The following TCAIM variants were observed in gnomAD, a reference collection of about 807,000 sequenced individuals.
TCAIM encodes the protein T cell activation inhibitor, mitochondrial, also known as T-cell activation inhibitor, mitochondrial.
A neutral mutation model predicts 58.6 loss-of-function variants in TCAIM; 36 were observed. The observed-to-expected ratio is 0.61, with a 90% confidence interval of 0.47 to 0.81. The LOEUF (loss-of-function observed/expected upper bound fraction) is 0.81, where lower values mean the gene tolerates loss of function less well. Ranked by LOEUF, TCAIM falls within the 30% of genes least tolerant of loss-of-function variation. TCAIM has a pLI of 0.00. For missense variants in TCAIM, 466 were observed against 579.6 expected, an observed-to-expected ratio of 0.80 and a Z score of 2.01; for synonymous variants, 172 against 193.6, an observed-to-expected ratio of 0.89 and a Z score of 0.93.
In TCAIM at chr3:44,368,655, C is replaced by T. The variant is rs1701418159; in HGVS notation, c.572+947C>T. Among the ~76,000 whole-genome samples the T allele has an allele frequency of 2.6e-5, 4 of 152,190 alleles. No homozygotes were observed. The South Asian group carries it at 8.3e-4, about 31-fold the overall frequency. On this transcript the variant is annotated intron_variant, in intron 5 of 10. Coordinates refer to ENST00000342649, the MANE Select transcript of TCAIM (RefSeq NM_173826.4). ...TGACTTTAATTGTTCAGATTCTCCT[C>T]TGAGATGGAAATGTGGGTTTGGGAA...
At position 44,388,965 on chromosome 3, in the gene TCAIM, T is replaced by C. The variant is rs535601384; in HGVS notation, c.573-3890T>C. On this transcript the variant is annotated intron_variant, in intron 5 of 10. Coordinates refer to ENST00000342649, the MANE Select transcript of TCAIM (RefSeq NM_173826.4). ...GCTCAGTTACTACTAATCCTCTCAG[T>C]GGCCAGAGCCAGGAAACATGTATCT... Among the ~76,000 whole-genome samples the C allele has an allele frequency of 1.1e-4, 17 of 152,342 alleles. 1 individual carries two copies. In the South Asian group the frequency reaches 2.7e-3, roughly 24 times the overall value.
chr3:44,379,361 A>T (rs1408941191), intron 5 of TCAIM, among the ~76,000 whole-genome samples: 1 of 152,170 alleles, frequency 6.6e-6, no homozygotes, highest in East Asian at 1.9e-4. Context: ...CAGTAATCTC[A>T]CTACGGGGTT....
chr3:44,349,520 G>T (rs978801950), intron 1 of TCAIM, among the ~76,000 whole-genome samples: 2 of 152,036 alleles, frequency 1.3e-5, no homozygotes, highest in Admixed American at 6.5e-5. Flanking sequence ...GAAAAGAGAG[G>T]GTAGAGACAT....
chr3:44,388,699 A>G (rs528104525), intron 5 of TCAIM, among the ~76,000 whole-genome samples: 1 of 151,758 alleles, frequency 6.6e-6, no homozygotes, highest in African/African-American at 2.4e-5. Context: ...ATCACGTTTT[A>G]CTCTGCTGGT....
intron 4 of TCAIM, chr3:44,362,289 G>A: frequency 2.5e-6 from 1 of 396,808 alleles, no homozygotes. Context: ...TTCTAGCTCT[G>A]CCAGTGACCT....
rs190535217 is a variant in TCAIM at position 44,391,113 on chromosome 3, G to A, written c.573-1742G>A. The A allele has an allele frequency of 1.1e-3, 168 of 152,320 alleles. 1 individual carries two copies. The highest frequency in any genetic ancestry group is 1.3e-3 in the African/African-American group (54 of 41,568). 9.4% of individuals were successfully genotyped at this position (152,320 alleles called of 1,614,324 possible). A position where few individuals can be genotyped will look rare whatever the true frequency, so the allele number is the denominator to read the frequency against. On this transcript the variant is annotated intron_variant, in intron 5 of 10. Transcript: ENST00000342649. ...CCAAGTGAGAGTTTCTACAGAGGCA[G>A]TGCTGCTCTCTAGAAGGCCACACAG...
chr3:44,354,499 G>A (rs1263556863), intron 1 of TCAIM, among the ~76,000 whole-genome samples: 2 of 152,108 alleles, frequency 1.3e-5, no homozygotes, highest in South Asian at 4.1e-4. Flanking sequence ...GATCAAGTTG[G>A]GAAGAATGAC....
At chr3:44,354,850 G>C (rs772008785) in intron 2 of TCAIM, 39 bp downstream of exon 2, 2 of 1,595,344 alleles carry the variant, frequency 1.3e-6, no homozygotes, top group Admixed American at 3.6e-5. Flanking sequence ...GTATTGTGGC[G>C]GGGGGAGGTC....
intron 5 of TCAIM, among the ~76,000 whole-genome samples, chr3:44,386,591 C>T (rs1170201076): frequency 1.3e-5 from 2 of 152,274 alleles, no homozygotes; most frequent in Admixed American, 6.5e-5. Context: ...GAAGCACCTG[C>T]TCCCACTCCC....
At chr3:44,372,038 GA>G (rs1215681048) in intron 5 of TCAIM, among the ~76,000 whole-genome samples, 22 of 146,374 alleles carry the variant, frequency 1.5e-4, no homozygotes, top group African/African-American at 5.4e-4. Flanking sequence ...AGGAAGGAAG[GA>G]AGGAAGGAAG....
At chr3:44,401,094 C>T (rs963947426) in intron 9 of TCAIM, 109 bp from the exon 10 acceptor site, 1 of 1,476,246 alleles carries the variant, frequency 6.8e-7, no homozygotes, top group Non-Finnish European at 9.0e-7. Context: ...TTTGAGGTGG[C>T]TTTTCTTGAT....
intron 4 of TCAIM, among the ~76,000 whole-genome samples, chr3:44,364,484 A>C (rs775619647): frequency 6.6e-6 from 1 of 152,226 alleles, no homozygotes; most frequent in African/African-American, 2.4e-5. Context: ...TCACGCCTGT[A>C]ATCCCAACAC....
chr3:44,401,259 G>A lies in TCAIM; in HGVS notation c.1175G>A (p.Cys392Tyr), dbSNP rs771520820. The change falls in exon 10 of 11, where the codon TGT (cysteine) becomes TAT (tyrosine). Residue 392 changes from cysteine (C) to tyrosine (Y), a missense_variant. Cys to Tyr is a radical substitution (Grantham distance 194). Coordinates refer to ENST00000342649, the MANE Select transcript of TCAIM (RefSeq NM_173826.4). ...ELGHFNIPTL[C>Y]DPANLQWFIL... Reference sequence around the variant, plus strand: ...GGGCATTTTAATATTCCAACACTCTGTGATCCAGCAAATCTCCAGTGGTTT... The same window carrying A: ...GGGCATTTTAATATTCCAACACTCTATGATCCAGCAAATCTCCAGTGGTTT... 18 of 1,614,062 alleles carry A rather than the reference G, an allele frequency of 1.1e-5. No individual in the cohort carries two copies. The East Asian group carries it at 3.8e-4, about 34-fold the overall frequency.
intron 5 of TCAIM, among the ~76,000 whole-genome samples, chr3:44,377,781 A>G (rs1701589678): frequency 6.6e-6 from 1 of 152,236 alleles, no homozygotes; most frequent in Non-Finnish European, 1.5e-5. Flanking sequence ...CAAAGAAGAT[A>G]CCATGTACCA....
chr3:44,346,833 C>T (rs1460674847), intron 1 of TCAIM, among the ~76,000 whole-genome samples: 1 of 152,104 alleles, frequency 6.6e-6, no homozygotes, highest in Non-Finnish European at 1.5e-5. Context: ...AGAATTCTGA[C>T]CACAGAGCCC....
chr3:44,407,416 C>T, intron 10 of TCAIM, 26 bp from the exon 11 acceptor site: 1 of 1,348,570 alleles, frequency 7.4e-7, no homozygotes, highest in Non-Finnish European at 1.0e-6. Flanking sequence ...GTTCTTATGA[C>T]AATATTTTTA....
At chr3:44,382,798 A>G (rs1701674191) in intron 5 of TCAIM, among the ~76,000 whole-genome samples, 1 of 152,182 alleles carries the variant, frequency 6.6e-6, no homozygotes, top group Non-Finnish European at 1.5e-5. Context: ...ACAGAGTAAA[A>G]TGGCAACCCA....
intron 1 of TCAIM, among the ~76,000 whole-genome samples, chr3:44,345,486 T>C (rs1220426331): frequency 2.0e-5 from 3 of 152,156 alleles, no homozygotes; most frequent in Non-Finnish European, 2.9e-5. Context: ...CCAGGCCAGA[T>C]TGATTTAGGT....
At chr3:44,382,895 G>C (rs1701676056) in intron 5 of TCAIM, among the ~76,000 whole-genome samples, 1 of 152,028 alleles carries the variant, frequency 6.6e-6, no homozygotes, top group Non-Finnish European at 1.5e-5. Context: ...AACTCAACCA[G>C]CAAACAACCC....
Sources: gnomAD v4.1 joint callset for allele counts (sites outside exome capture counted in the v4.1 genomes callset) on GRCh38, gnomAD v4.1.1 for gene constraint, MANE v1.5 for transcripts, NCBI Gene and HGNC (gene_info 2026-07-23, HGNC 2026-07-21) for gene names.